PAK5: variants seen among roughly 807,000 people sequenced by gnomAD.
PAK5 encodes the protein p21 (RAC1) activated kinase 5.
In PAK5, 16 loss-of-function variants were observed where a neutral mutation model predicts 65.9. The ratio of observed to expected loss-of-function variants is 0.24; its 90% CI spans 0.16 to 0.37. The LOEUF (loss-of-function observed/expected upper bound fraction) is 0.37, where lower values mean the gene tolerates loss of function less well. Ranked by LOEUF, PAK5 falls within the 10% of genes least tolerant of loss-of-function variation. The probability of loss-of-function intolerance (pLI) is 1.00; values close to 1 mark genes in which losing one functional copy is unlikely to be tolerated. For synonymous variants in PAK5, 371 were observed against 354.9 expected (o/e 1.05, Z -0.51); for missense variants, 785 against 903.9 (o/e 0.87, Z 1.69).
chr20:9,715,838 T>C (rs1176760373), intron 1 of PAK5, among the ~76,000 whole-genome samples: 2 of 145,638 alleles, frequency 1.4e-5, no homozygotes, highest in African/African-American at 2.6e-5. Flanking sequence ...TAGGTGGGAA[T>C]TGAACAATGA....
intron 7 of PAK5, among the ~76,000 whole-genome samples, chr20:9,545,280 T>G (rs1273446670): frequency 6.6e-6 from 1 of 152,196 alleles, no homozygotes; most frequent in Non-Finnish European, 1.5e-5. Context: ...AAGAACATAC[T>G]GCACCCTGGG....
rs2046888992 is a variant in PAK5 at position 9,629,178 on chromosome 20, C to A, written c.204+14947G>T. Among the ~76,000 whole-genome samples the A allele has an allele frequency of 2.0e-5, 3 of 152,150 alleles. No individual in the cohort carries two copies. The South Asian group carries it at 6.2e-4, about 31-fold the overall frequency. On this transcript the variant is annotated intron_variant, in intron 3 of 9. Transcript: ENST00000353224. ...GACACCTGAATTTCAGCCTCTGAGA[C>A]CTGAGGAGTCAGTGAAGCTGTGCCA...
At chr20:9,705,671 T>C (rs2047997623) in intron 2 of PAK5, among the ~76,000 whole-genome samples, 1 of 152,118 alleles carries the variant, frequency 6.6e-6, no homozygotes, top group Non-Finnish European at 1.5e-5. Flanking sequence ...TCTTATATCC[T>C]AGGAATCCAC....
rs12481549 is a variant in PAK5 at position 9,600,167 on chromosome 20, G to A, written c.205-19237C>T. ...GAAAAGCATCTGACCTCATATGTGA[G>A]GGTTTGTTTCTGAGTGCTATATTCT... On this transcript the variant is annotated intron_variant, in intron 3 of 9. Transcript: ENST00000353224. Among the ~76,000 whole-genome samples the A allele has an allele frequency of 1.4e-3, 220 of 152,254 alleles. 2 individuals are homozygous for A. Among genetic ancestry groups the A allele is most frequent in the African/African-American group, 4.9e-3 (203 of 41,544 alleles).
At chr20:9,619,896 T>A (rs1428936370) in intron 3 of PAK5, among the ~76,000 whole-genome samples, 1 of 152,220 alleles carries the variant, frequency 6.6e-6, no homozygotes, top group African/African-American at 2.4e-5. Context: ...ATCAGTGCTC[T>A]CAGCCAATCA....
chr20:9,660,198 G>A lies in PAK5; in HGVS notation c.-11-15859C>T, dbSNP rs182009544. 2.9e-3 allele frequency among the ~76,000 whole-genome samples: 437 copies of A among 152,048 alleles called. 2 individuals are homozygous for A. Among genetic ancestry groups the A allele is most frequent in the African/African-American group, 9.8e-3 (407 of 41,536 alleles). ...GGCATGAGGGGGATAAAGGCAACCA[G>A]GGCACTAAAGGCTTTCAGAATTATA... On this transcript the variant is annotated intron_variant, in intron 2 of 9. Transcript: ENST00000353224.
chr20:9,676,500 T>A (rs905058769), intron 2 of PAK5, among the ~76,000 whole-genome samples: 25 of 152,130 alleles, frequency 1.6e-4, no homozygotes, highest in African/African-American at 6.0e-4. Context: ...CTGGGAACTG[T>A]GTGAATATTA....
intron 2 of PAK5, among the ~76,000 whole-genome samples, chr20:9,699,704 T>C (rs901680126): frequency 2.0e-5 from 3 of 151,980 alleles, no homozygotes; most frequent in African/African-American, 7.2e-5. Flanking sequence ...CTGTGATAGA[T>C]AAGGAACTTG....
chr20:9,563,703 C>G (rs1050393216), intron 5 of PAK5, among the ~76,000 whole-genome samples: 1 of 152,134 alleles, frequency 6.6e-6, no homozygotes, highest in African/African-American at 2.4e-5. Context: ...TAATAAACTA[C>G]AGAATTATTT....
At chr20:9,676,802 TG>T (rs1267673604) in intron 2 of PAK5, among the ~76,000 whole-genome samples, 1 of 152,186 alleles carries the variant, frequency 6.6e-6, no homozygotes, top group Non-Finnish European at 1.5e-5. Flanking sequence ...AAAGAAACTT[TG>T]TTAATCCACT....
intron 1 of PAK5, among the ~76,000 whole-genome samples, chr20:9,756,162 A>G (rs2048631535): frequency 6.6e-6 from 1 of 152,240 alleles, no homozygotes; most frequent in African/African-American, 2.4e-5. Flanking sequence ...GCAGCAATGC[A>G]TTTGTGAAGA....
chr20:9,785,254 G>A (rs562392711), intron 1 of PAK5, among the ~76,000 whole-genome samples: 7 of 152,214 alleles, frequency 4.6e-5, no homozygotes, highest in African/African-American at 1.7e-4. Context: ...CTCCCCAAAG[G>A]TGGCAAATTA....
chr20:9,618,895 C>A (rs1467142589), intron 3 of PAK5, among the ~76,000 whole-genome samples: 1 of 45,212 alleles, frequency 2.2e-5, no homozygotes, highest in Non-Finnish European at 4.4e-5. Flanking sequence ...CTCTCAGATT[C>A]TTTTCTCTCT....
intron 2 of PAK5, among the ~76,000 whole-genome samples, chr20:9,710,770 A>G (rs2048068477): frequency 6.6e-6 from 1 of 152,164 alleles, no homozygotes; most frequent in African/African-American, 2.4e-5. Flanking sequence ...ACACTTTCCC[A>G]CATCTAAACA....
At chr20:9,566,407 A>G (rs1186524872) in intron 4 of PAK5, 23 bp from the exon 5 acceptor site, 2 of 1,603,554 alleles carry the variant, frequency 1.2e-6, no homozygotes, top group Non-Finnish European at 1.7e-6. Context: ...ACATGGATAG[A>G]GAATATTCAC....
At chr20:9,667,800 T>C (rs1040846717) in intron 2 of PAK5, among the ~76,000 whole-genome samples, 25 of 152,204 alleles carry the variant, frequency 1.6e-4, no homozygotes, top group African/African-American at 5.3e-4. Context: ...CAGATTTATG[T>C]ATGTGTGTTT....
intron 3 of PAK5, among the ~76,000 whole-genome samples, chr20:9,596,895 T>TC (rs2046279925): frequency 1.3e-5 from 2 of 152,124 alleles, no homozygotes; most frequent in South Asian, 4.1e-4. Context: ...AACAGCAGAC[T>TC]CCAAGGGAGC....
intron 2 of PAK5, among the ~76,000 whole-genome samples, chr20:9,694,300 G>A (rs574339731): frequency 9.7e-6 from 1 of 103,120 alleles, no homozygotes; most frequent in African/African-American, 4.5e-5. Flanking sequence ...GGCCGTGTGT[G>A]TGTTTGTGTG....
intron 1 of PAK5, among the ~76,000 whole-genome samples, chr20:9,744,992 A>C (rs2048490166): frequency 6.6e-6 from 1 of 152,134 alleles, no homozygotes; most frequent in South Asian, 2.1e-4. Context: ...GAGAATGGGG[A>C]TAGAGAGAGG....
Sources: allele counts gnomAD v4.1 joint callset (sites outside exome capture counted in the v4.1 genomes callset), GRCh38; gene constraint gnomAD v4.1.1; transcripts MANE v1.5; gene names NCBI Gene and HGNC (gene_info 2026-07-23, HGNC 2026-07-21).